ERCC6: variants seen among roughly 807,000 people sequenced by gnomAD.
ERCC6 encodes the protein DNA excision repair protein ERCC-6.
ERCC6 carries 116 observed loss-of-function variants against 158.7 expected under a neutral mutation model. The ratio of observed to expected loss-of-function variants is 0.73; its 90% CI spans 0.63 to 0.85. The LOEUF (loss-of-function observed/expected upper bound fraction) is 0.85. Among genes scored for constraint, ERCC6 ranks in the 40% least tolerant of loss-of-function variants. The pLI is 0.00. For synonymous variants in ERCC6, 678 were observed against 659.3 expected (o/e 1.03, Z -0.43); for missense variants, 1,698 against 1,799.4 (o/e 0.94, Z 1.02).
chr10:49,486,508 CCAAA>C (rs1425580623), intron 8 of ERCC6, among the ~76,000 whole-genome samples: 2 of 151,948 alleles, frequency 1.3e-5, no homozygotes, highest in East Asian at 1.9e-4. Context: ...AAAGACTAAA[CCAAA>C]CAAACCTCTG....
chr10:49,517,727 A>G (rs1837025602), intron 5 of ERCC6, among the ~76,000 whole-genome samples: 1 of 150,164 alleles, frequency 6.7e-6, no homozygotes, highest in Admixed American at 6.6e-5. Context: ...AACTTTTTCT[A>G]TTTTTGGGGT....
intron 1 of ERCC6, among the ~76,000 whole-genome samples, chr10:49,533,214 C>T (rs1837515110): frequency 6.6e-6 from 1 of 152,182 alleles, no homozygotes; most frequent in African/African-American, 2.4e-5. Context: ...CAACAAAGGA[C>T]ATTTAGGCAG....
intron 1 of ERCC6, among the ~76,000 whole-genome samples, chr10:49,534,928 C>T (rs1369556993): frequency 6.6e-6 from 1 of 152,210 alleles, no homozygotes; most frequent in Admixed American, 6.5e-5. Flanking sequence ...ACTGGAGCAG[C>T]AGCATGTCAG....
At chr10:49,443,191 G>A in the ERCC6 span, among the ~76,000 whole-genome samples, 1 of 152,118 alleles carries the variant, frequency 6.6e-6, no homozygotes, top group African/African-American at 2.4e-5. Context: ...GTGTTGTAAA[G>A]ATTCAGATTT....
At chr10:49,483,673 G>A (rs1564424055) in intron 8 of ERCC6, among the ~76,000 whole-genome samples, 157 bp from the exon 9 acceptor site, 1 of 151,964 alleles carries the variant, frequency 6.6e-6, no homozygotes, top group Non-Finnish European at 1.5e-5. Flanking sequence ...TTGTTAACCT[G>A]GCAAGTAGTA....
chr10:49,502,301 T>C (rs1851369292), intron 6 of ERCC6: 1 of 152,194 alleles, frequency 6.6e-6, no homozygotes, highest in Non-Finnish European at 1.5e-5. Flanking sequence ...GTTTGCTAAT[T>C]ATAATACACA....
intron 12 of ERCC6, among the ~76,000 whole-genome samples, chr10:49,475,068 C>T (rs1269279174): frequency 6.6e-6 from 1 of 152,174 alleles, no homozygotes; most frequent in Non-Finnish European, 1.5e-5. Context: ...TAAACCTCCC[C>T]AGAGTCATCC....
chr10:49,515,150 T>A, intron 5 of ERCC6: 5 of 1,302,674 alleles, frequency 3.8e-6, no homozygotes, highest in Non-Finnish European at 4.9e-6. Flanking sequence ...TTTTGAATTT[T>A]TGCATGAAAT....
the ERCC6 span, among the ~76,000 whole-genome samples, chr10:49,436,670 G>A: frequency 4.2e-3 from 642 of 152,266 alleles, 3 homozygotes; most frequent in African/African-American, 0.015. Flanking sequence ...CAAATCAGCA[G>A]GATTTCTTAT....
At chr10:49,443,683 T>C in the ERCC6 span, among the ~76,000 whole-genome samples, 3 of 152,228 alleles carry the variant, frequency 2.0e-5, no homozygotes, top group Admixed American at 2.0e-4. Context: ...CTATCTTTTA[T>C]ACCATATTTT....
chr10:49,444,907 A>G, the ERCC6 span, among the ~76,000 whole-genome samples: 38 of 152,340 alleles, frequency 2.5e-4, no homozygotes, highest in African/African-American at 8.7e-4. Flanking sequence ...AAAATCTAAT[A>G]AAGTATTAGC....
chr10:49,505,807 C>T, intron 6 of ERCC6, 77 bp downstream of exon 6: 1 of 1,577,468 alleles, frequency 6.3e-7, no homozygotes, highest in Non-Finnish European at 8.7e-7. Flanking sequence ...CAGGTAACTA[C>T]TATGTAATTC....
In ERCC6 at chr10:49,537,000, G is replaced by C. The variant is rs567603713; in HGVS notation, c.-15+1962C>G. On this transcript the variant is annotated intron_variant, in intron 1 of 20. Transcript: ENST00000355832. ...AGAAAACCAAGTCTTCTGGAAGTGAGAGTTGGAAACCAGAAGGCTCTTATC... is the reference window on the plus strand; with the variant it reads ...AGAAAACCAAGTCTTCTGGAAGTGACAGTTGGAAACCAGAAGGCTCTTATC... Among the ~76,000 whole-genome samples the C allele has an allele frequency of 5.9e-5, 9 of 152,332 alleles. No homozygotes were observed. The South Asian group carries it at 1.7e-3, about 28-fold the overall frequency.
At chr10:49,476,093 A>C in intron 12 of ERCC6, 122 bp downstream of exon 12, 1 of 755,618 alleles carries the variant, frequency 1.3e-6, no homozygotes, top group Non-Finnish European at 2.3e-6. Flanking sequence ...GCGGGACTTC[A>C]TGCAAGTGAA....
chr10:49,524,747 A>G lies in ERCC6; in HGVS notation c.683T>C (p.Leu228Pro), dbSNP rs1393784400. The G allele has an allele frequency of 6.2e-7, 1 of 1,604,050 alleles. No individual in the cohort carries two copies. Among genetic ancestry groups the G allele is most frequent in the Non-Finnish European group, 8.5e-7 (1 of 1,179,992 alleles). The change falls in exon 5 of 21, where the codon CTC becomes CCC. Residue 228 changes from leucine (L) to proline (P), a missense_variant. Transcript: ENST00000355832. ...EPGPSSLGSM[L>P]MPVQETAWEE... The stretch of plus-strand genomic sequence containing the variant: ...CCAGGCAGTCTCCTGGACAGGCATG[A>G]GCATGCTGCCAAGACTGGATGGCCC...
chr10:49,472,834 A>G, intron 15 of ERCC6, 75 bp downstream of exon 15: 2 of 1,554,884 alleles, frequency 1.3e-6, no homozygotes, highest in Middle Eastern at 2.1e-4. Flanking sequence ...AGAACATCAA[A>G]GGACAGTCAA....
chr10:49,451,549 T>A (rs561911874), downstream of ERCC6, among the ~76,000 whole-genome samples: 28 of 152,320 alleles, frequency 1.8e-4, no homozygotes, highest in South Asian at 5.4e-3. Context: ...ACTTTTTTAT[T>A]ATATTGATAT....
rs745352643 is a variant in ERCC6, at chr10:49,459,111, T to C, written c.4186A>G (p.Arg1396Gly). Residue 1396 changes from arginine (R) to glycine (G), a missense_variant, in exon 21 of 21, where the codon AGA becomes GGA. By Grantham distance (125) the Arg-to-Gly change is moderately radical. Coordinates refer to ENST00000355832, the MANE Select transcript of ERCC6 (RefSeq NM_000124.4). ...SSSLLAKMRA[R>G]NHLILPERLE... Reference sequence around the variant, plus strand: ...CGCTCTGGCAGAATCAGGTGGTTTCTAGCTCTCATTTTAGCCAAGAGTGAG... The same window carrying C: ...CGCTCTGGCAGAATCAGGTGGTTTCCAGCTCTCATTTTAGCCAAGAGTGAG... 48 of 1,614,244 alleles carry C rather than the reference T, an allele frequency of 3.0e-5. No individual in the cohort carries two copies. The highest frequency in any genetic ancestry group is 3.9e-5 in the Non-Finnish European group (46 of 1,180,042).
At chr10:49,441,414 C>G in the ERCC6 span, among the ~76,000 whole-genome samples, 3 of 152,118 alleles carry the variant, frequency 2.0e-5, no homozygotes, top group Non-Finnish European at 4.4e-5. Flanking sequence ...GAGGAGGGGC[C>G]TCCCTCTCAA....
Sources: gnomAD v4.1 joint callset for allele counts (sites outside exome capture counted in the v4.1 genomes callset) on GRCh38, gnomAD v4.1.1 for gene constraint, MANE v1.5 for transcripts, NCBI Gene and HGNC (gene_info 2026-07-23, HGNC 2026-07-21) for gene names.